Variants in HRG observed in about 807,000 individuals in gnomAD.
The protein encoded by HRG is histidine rich glycoprotein.
Under a neutral mutation model 29.5 loss-of-function variants are expected in HRG, and 26 were observed. The ratio of observed to expected loss-of-function variants is 0.88; its 90% CI spans 0.65 to 1.22. The LOEUF is 1.22. Among genes scored for constraint, HRG ranks in the 50% most tolerant of loss-of-function variants. The probability of loss-of-function intolerance (pLI) is 0.00; values close to 1 mark genes in which losing one functional copy is unlikely to be tolerated. For synonymous variants in HRG, 243 were observed against 240.4 expected (o/e 1.01, Z -0.10); for missense variants, 671 against 654.5 (o/e 1.03, Z -0.28).
chr3:186,666,785 C>G (rs571329728), intron 1 of HRG: 2 of 159,070 alleles, frequency 1.3e-5, no homozygotes, highest in Admixed American at 6.0e-5. Context: ...TGGTGGTGCA[C>G]GCCTGTAATC....
chr3:186,673,310 A>G (rs6781684), intron 5 of HRG: 272,238 of 273,496 alleles, frequency 1, 135,511 homozygotes, highest in East Asian at 1. Context: ...CACCATGTTG[A>G]TCAGGTTGGT....
intron 2 of HRG, chr3:186,669,510 T>C (rs16860974): frequency 8.8e-6 from 3 of 342,166 alleles, no homozygotes; most frequent in Non-Finnish European, 1.7e-5. Flanking sequence ...GCTCAGCACC[T>C]AGGATATACA....
chr3:186,676,680 G>A (rs1719001642), intron 6 of HRG, among the ~76,000 whole-genome samples: 1 of 152,034 alleles, frequency 6.6e-6, no homozygotes, highest in Non-Finnish European at 1.5e-5. Flanking sequence ...GGGCATGGTG[G>A]CTTGGGCGTG....
In HRG at chr3:186,677,590, C is replaced by T; in HGVS notation, c.1285C>T (p.His429Tyr). Residue 429 changes from histidine to tyrosine, a missense_variant, in exon 7 of 7, where the codon CAT (histidine) becomes TAT (tyrosine). Coordinates refer to ENST00000232003, the MANE Select transcript of HRG (RefSeq NM_000412.5). ...ACCCCATAACCAAGGTCACTGTTGC[C>T]ATGGCCACGGCCCACCACCTGGGCA... ...PPPHNQGHCC[H>Y]GHGPPPGHLR... 1 of 1,614,160 alleles carries T rather than the reference C, an allele frequency of 6.2e-7. No homozygotes were observed. Among genetic ancestry groups the T allele is most frequent in the Non-Finnish European group, 8.5e-7 (1 of 1,180,024 alleles).
chr3:186,674,602 G>A (rs114920990), intron 5 of HRG: 2,656 of 233,356 alleles, frequency 0.011, 70 homozygotes, highest in African/African-American at 0.057. Context: ...CCTGGCACTT[G>A]GGTGGAGTCA....
Position 186,677,090 on chromosome 3 carries a change from C to A in HRG, c.785C>A (p.Pro262His). 1 of 1,613,896 alleles carries A rather than the reference C, an allele frequency of 6.2e-7. No individual in the cohort carries two copies. Among genetic ancestry groups the A allele is most frequent in the Non-Finnish European group, 8.5e-7 (1 of 1,179,894 alleles). The change falls in exon 7 of 7, where the codon CCC (proline) becomes CAC (histidine). Residue 262 changes from proline (P) to histidine (H), a missense_variant. By Grantham distance (77) the Pro-to-His change is moderately conservative. Transcript: ENST00000232003. ...INGVPPHLGHPFHWGGHERSS... is the reference protein window; with the variant it reads ...INGVPPHLGHHFHWGGHERSS... ...GGTGTACCGCCTCATTTGGGACATC[C>A]CTTCCACTGGGGTGGGCATGAGCGT... is the stretch of plus-strand genomic sequence containing the variant.
intron 6 of HRG, among the ~76,000 whole-genome samples, chr3:186,676,219 G>A (rs1277388633): frequency 2.0e-5 from 3 of 152,020 alleles, no homozygotes; most frequent in Non-Finnish European, 4.4e-5. Flanking sequence ...AGAGAGAGAA[G>A]AGGTCAAGTG....
At chr3:186,671,584 C>T (rs764616505) in intron 3 of HRG, 39 bp from the exon 4 acceptor site, 68 of 1,601,048 alleles carry the variant, frequency 4.2e-5, no homozygotes, top group Non-Finnish European at 5.3e-5. Context: ...ATTAACATTT[C>T]CAGCCCTTTA....
intron 6 of HRG, 22 bp from the exon 7 acceptor site, chr3:186,677,025 A>C (rs766938336): frequency 1.2e-6 from 2 of 1,613,998 alleles, no homozygotes; most frequent in South Asian, 2.2e-5. Flanking sequence ...GATGATAGGC[A>C]CTTTTCTGTG....
chr3:186,672,648 A>C (rs1037654664), intron 4 of HRG, 139 bp from the exon 5 acceptor site: 33 of 703,760 alleles, frequency 4.7e-5, no homozygotes, highest in South Asian at 4.7e-4. Flanking sequence ...AAAGGCAGAA[A>C]CCATTTTAAA....
At chr3:186,677,023 G>A (rs1331060766) in intron 6 of HRG, 24 bp from the exon 7 acceptor site, 69 of 1,613,870 alleles carry the variant, frequency 4.3e-5, no homozygotes, top group Non-Finnish European at 5.5e-5. Context: ...ATGATGATAG[G>A]CACTTTTCTG....
chr3:186,674,818 C>T, intron 5 of HRG: 1 of 418,114 alleles, frequency 2.4e-6, no homozygotes. Context: ...TGTGGTTTTC[C>T]TCATCATTTC....
At chr3:186,672,671 C>A in intron 4 of HRG, 116 bp from the exon 5 acceptor site, 1 of 738,366 alleles carries the variant, frequency 1.4e-6, no homozygotes, top group Non-Finnish European at 2.5e-6. Flanking sequence ...ATGACACATA[C>A]TGGTGATTTT....
chr3:186,671,920 A>G lies in HRG; in HGVS notation c.558+131A>G, dbSNP rs1579076401. On this transcript the variant is annotated intron_variant, in intron 4 of 6. Transcript: ENST00000232003. Reference sequence around the variant, plus strand: ...CTTTTAATTTGTCACTTTTGAGGCCATAAAAGACAGGCAGCAGGTATTTAA... The same window carrying G: ...CTTTTAATTTGTCACTTTTGAGGCCGTAAAAGACAGGCAGCAGGTATTTAA... 7.4e-6 allele frequency: 6 copies of G among 806,128 alleles called. No individual in the cohort carries two copies. In the East Asian group the frequency reaches 1.3e-4, roughly 17 times the overall value. 49.9% of individuals were successfully genotyped at this position (806,128 alleles called of 1,614,324 possible).
chr3:186,669,867 T>C (rs1718731816), intron 2 of HRG, 71 bp from the exon 3 acceptor site: 3 of 803,472 alleles, frequency 3.7e-6, no homozygotes, highest in Middle Eastern at 3.5e-4. Flanking sequence ...ACCTTTTTGC[T>C]CTTTCATATC....
intron 6 of HRG, 54 bp downstream of exon 6, chr3:186,675,244 T>C: frequency 9.2e-7 from 1 of 1,084,704 alleles, no homozygotes; most frequent in Non-Finnish European, 1.4e-6. Flanking sequence ...GTGACATACG[T>C]ACACAAATAG....
intron 5 of HRG, 141 bp from the exon 6 acceptor site, chr3:186,674,948 C>A: frequency 1.4e-6 from 1 of 731,862 alleles, no homozygotes; most frequent in East Asian, 2.6e-5. Flanking sequence ...GATTGCTGAA[C>A]GACTGGTGGG....
At chr3:186,672,963 G>T (rs1397226549) in intron 5 of HRG, 96 bp downstream of exon 5, 5 of 832,454 alleles carry the variant, frequency 6.0e-6, no homozygotes, top group Non-Finnish European at 1.0e-5. Context: ...GGAAGGAGAA[G>T]AAGGAGAAGA....
rs1275305321 is a variant in HRG at position 186,675,304 on chromosome 3, TGTGTGAGA to T, written c.741+116_741+123del. The T allele has an allele frequency of 1.0e-3, 489 of 490,136 alleles. 2 individuals are homozygous for T. The East Asian group carries it at 0.021, about 21-fold the overall frequency. 30.4% of individuals were successfully genotyped at this position (490,136 alleles called of 1,614,324 possible). ...GAGTGGGTGTGTGTGTGTGTGTGTG[TGTGTGAGA>T]GAGAGAGAGAGAGAGAGAGACAGAG... On this transcript the variant is annotated intron_variant, in intron 6 of 6. Coordinates refer to ENST00000232003, the MANE Select transcript of HRG (RefSeq NM_000412.5).
Sources: gnomAD v4.1 joint callset for allele counts (sites outside exome capture counted in the v4.1 genomes callset) on GRCh38, gnomAD v4.1.1 for gene constraint, MANE v1.5 for transcripts, NCBI Gene and HGNC (gene_info 2026-07-23, HGNC 2026-07-21) for gene names.